The following ZEB2 variants were observed in gnomAD, a reference collection of about 807,000 sequenced individuals.
The protein encoded by ZEB2 is zinc finger E-box-binding homeobox 2.
Under a neutral mutation model 99.9 loss-of-function variants are expected in ZEB2, and 6 were observed. That is an observed-to-expected ratio of 0.06 (90% CI 0.03 to 0.12). ZEB2 has a LOEUF of 0.12. Among genes scored for constraint, ZEB2 ranks in the 10% least tolerant of loss-of-function variants. The probability of loss-of-function intolerance (pLI) is 1.00; values close to 1 mark genes in which losing one functional copy is unlikely to be tolerated. For missense variants in ZEB2, 969 were observed against 1,502.8 expected, an observed-to-expected ratio of 0.64 and a Z score of 5.87; for synonymous variants, 517 against 542.5, an observed-to-expected ratio of 0.95 and a Z score of 0.65.
intron 2 of ZEB2, chr2:144,460,989 A>G (rs897796225): frequency 2.0e-5 from 3 of 152,058 alleles, no homozygotes; most frequent in Admixed American, 1.3e-4. Context: ...TGTGTGACTA[A>G]TTTTTCTTGG....
At chr2:144,413,758 C>T (rs780729456) in intron 4 of ZEB2, among the ~76,000 whole-genome samples, 12 of 152,098 alleles carry the variant, frequency 7.9e-5, no homozygotes, top group Non-Finnish European at 1.5e-4. Flanking sequence ...TGATTTTGTA[C>T]AATTGATTAA....
chr2:144,446,054 C>A (rs1252657054), intron 2 of ZEB2, among the ~76,000 whole-genome samples: 1 of 151,924 alleles, frequency 6.6e-6, no homozygotes, highest in East Asian at 1.9e-4. Flanking sequence ...TCTCTCTCCC[C>A]CTTCCTTCCT....
rs540693343 is a variant in ZEB2 at position 144,489,094 on chromosome 2, A to G, written c.73+28184T>C. ...CTATGGGTGTATTGTTGTTCAGCAG[A>G]TCTCTAGAATTTACACGAGTGCTAT... On this transcript the variant is annotated intron_variant, in intron 2 of 9. Coordinates refer to ENST00000627532, the MANE Select transcript of ZEB2 (RefSeq NM_014795.4). 3.5e-4 allele frequency among the ~76,000 whole-genome samples: 54 copies of G among 152,300 alleles called. 1 individual carries two copies. The highest frequency in any genetic ancestry group is 3.0e-3 in the Admixed American group (46 of 15,296).
chr2:144,401,268 T>G lies in ZEB2; in HGVS notation c.847A>C (p.Lys283Gln). 6.2e-7 allele frequency: 1 copy of G among 1,614,174 alleles called. No homozygotes were observed. The highest frequency in any genetic ancestry group is 8.5e-7 in the Non-Finnish European group (1 of 1,179,990). ...LTQGAGNRKFKCTECGKAFKY... is the reference protein window; with the variant it reads ...LTQGAGNRKFQCTECGKAFKY... ...AAGGCCTTGCCACACTCTGTGCATT[T>G]GAACTTGCGATTACCTGCTCCTTGG... The change falls in exon 7 of 10, where the codon AAA becomes CAA. Residue 283 changes from lysine (K) to glutamine (Q), a missense_variant. This residue lies in a region of ZEB2 where 65 missense variants were observed against 147.7 expected (regional missense o/e 0.44). Coordinates refer to ENST00000627532, the MANE Select transcript of ZEB2 (RefSeq NM_014795.4).
intron 4 of ZEB2, among the ~76,000 whole-genome samples, chr2:144,410,841 T>C (rs1427495224): frequency 2.0e-5 from 3 of 151,524 alleles, no homozygotes; most frequent in African/African-American, 7.3e-5. Flanking sequence ...AGAAAATATC[T>C]TGGAAGGTAC....
intron 2 of ZEB2, among the ~76,000 whole-genome samples, chr2:144,467,942 G>A (rs933040944): frequency 5.3e-5 from 8 of 152,104 alleles, no homozygotes; most frequent in African/African-American, 1.2e-4. Context: ...CAGGCTGAAT[G>A]GTAGGGGCAG....
chr2:144,399,822 A>G lies in ZEB2; in HGVS notation c.1365T>C (p.Ser455=), dbSNP rs1703285170. Residue 455 remains serine (S), a synonymous_variant, in exon 8 of 10, where the codon AGT becomes AGC. Transcript: ENST00000627532. The surrounding 1 kb of genome is among the most constrained non-coding windows in gnomAD (Gnocchi z 5.6). The part of the protein sequence containing the change: ...APLLGFPTMN[S]NLSEVQKVLQ... The stretch of plus-strand genomic sequence containing the variant: ...GAACCTTTTGTACCTCACTTAAATT[A>G]CTATTCATGGTGGGAAACCCAAGTA... The G allele has an allele frequency of 1.8e-5, 29 of 1,614,152 alleles. No homozygotes were observed. Among genetic ancestry groups the G allele is most frequent in the Non-Finnish European group, 2.5e-5 (29 of 1,180,026 alleles).
At chr2:144,434,224 A>G (rs1242236332) in intron 2 of ZEB2, among the ~76,000 whole-genome samples, 3 of 152,240 alleles carry the variant, frequency 2.0e-5, no homozygotes, top group Non-Finnish European at 4.4e-5. Context: ...AAGGCAGCCA[A>G]TAATGATTTC....
At chr2:144,416,593 C>A (rs1703542993) in intron 4 of ZEB2, among the ~76,000 whole-genome samples, 1 of 152,166 alleles carries the variant, frequency 6.6e-6, no homozygotes, top group Admixed American at 6.5e-5. Flanking sequence ...TACATTCTCT[C>A]CTATCATCAT....
At chr2:144,479,611 G>C (rs1434043050) in intron 2 of ZEB2, among the ~76,000 whole-genome samples, 2 of 134,082 alleles carry the variant, frequency 1.5e-5, no homozygotes, top group Non-Finnish European at 3.0e-5. Flanking sequence ...TCCAAAGCAG[G>C]CTTCTGCTTT....
At chr2:144,510,627 G>C (rs1302506292) in intron 2 of ZEB2, among the ~76,000 whole-genome samples, 3 of 152,016 alleles carry the variant, frequency 2.0e-5, no homozygotes, top group Non-Finnish European at 4.4e-5. Flanking sequence ...CTGGTAACTA[G>C]GGGAAGCCCA....
chr2:144,497,147 T>C (rs1215693503), intron 2 of ZEB2, among the ~76,000 whole-genome samples: 2 of 152,158 alleles, frequency 1.3e-5, no homozygotes, highest in African/African-American at 4.8e-5. Context: ...ATCCATGTTA[T>C]ATGACAACAG....
At position 144,398,717 on chromosome 2, in the gene ZEB2, T is replaced by C. The variant is rs1165356349; in HGVS notation, c.2470A>G (p.Met824Val). The C allele has an allele frequency of 6.2e-7, 1 of 1,614,164 alleles. No individual in the cohort carries two copies. Among genetic ancestry groups the C allele is most frequent in the Admixed American group, 1.7e-5 (1 of 60,026 alleles). Residue 824 changes from methionine (M) to valine (V), a missense_variant, in exon 8 of 10, where the codon ATG (methionine) becomes GTG (valine). Met to Val is a conservative substitution (Grantham distance 21). This residue lies in a region of ZEB2 where 346 missense variants were observed against 460.0 expected (regional missense o/e 0.75). Coordinates refer to ENST00000627532, the MANE Select transcript of ZEB2 (RefSeq NM_014795.4). ...EPLDLSLPKQ[M>V]KEPKSIIATK... ...GCTATAATACTTTTGGGTTCTTTCA[T>C]TTGTTTTGGTAATGACAAGTCTAAA...
At chr2:144,398,192 C>T (rs1321688072) in intron 8 of ZEB2, 109 bp downstream of exon 8, 1 of 1,435,696 alleles carries the variant, frequency 7.0e-7, no homozygotes, top group Non-Finnish European at 9.5e-7. Flanking sequence ...AAAGCAAACT[C>T]TTCTGTTTCT....
intron 4 of ZEB2, among the ~76,000 whole-genome samples, chr2:144,406,881 T>C (rs564243608): frequency 6.6e-6 from 1 of 152,262 alleles, no homozygotes; most frequent in East Asian, 1.9e-4. Flanking sequence ...AGGCAAAAGA[T>C]ACTGTTAAGG....
intron 4 of ZEB2, among the ~76,000 whole-genome samples, chr2:144,423,696 T>C (rs1286982585): frequency 6.6e-6 from 1 of 152,296 alleles, no homozygotes; most frequent in African/African-American, 2.4e-5. Context: ...TTCGAATGAA[T>C]AGAATGACAA....
intron 4 of ZEB2, among the ~76,000 whole-genome samples, chr2:144,410,310 G>A (rs1199767562): frequency 6.6e-6 from 1 of 152,134 alleles, no homozygotes; most frequent in Non-Finnish European, 1.5e-5. Context: ...TGTCAGGAAA[G>A]CCTCAGTTCT....
Position 144,384,949 on chromosome 2 carries a change from T to C in ZEB2, c.*4502A>G, listed in dbSNP as rs1408803760. 1 of 152,160 alleles carries C rather than the reference T, an allele frequency of 6.6e-6. No homozygotes were observed. Among genetic ancestry groups the C allele is most frequent in the East Asian group, 1.9e-4 (1 of 5,196 alleles). The allele number at this position is 152,160 out of a possible 1,614,324, so 9.4% of individuals were successfully genotyped here. A position where few individuals can be genotyped will look rare whatever the true frequency, so the allele number is the denominator to read the frequency against. ...TAGTATATTAGGTTATGTCAGTACA[T>C]ACTTAAGAGAGGCATAAATTGCCTC... is the stretch of plus-strand genomic sequence containing the variant. On this transcript the variant is annotated 3_prime_UTR_variant, in exon 10 of 10. Coordinates refer to ENST00000627532, the MANE Select transcript of ZEB2 (RefSeq NM_014795.4).
chr2:144,512,640 A>C (rs1159889545), intron 2 of ZEB2: 1 of 1,287,150 alleles, frequency 7.8e-7, no homozygotes, highest in African/African-American at 1.5e-5. Flanking sequence ...TAAAATCCTC[A>C]GCCCACCCTT....
Sources: allele counts gnomAD v4.1 joint callset (sites outside exome capture counted in the v4.1 genomes callset), GRCh38; gene constraint gnomAD v4.1.1; regional missense constraint gnomAD v4.1.1; non-coding constraint Gnocchi (gnomAD v3.1); transcripts MANE v1.5; gene names NCBI Gene and HGNC (gene_info 2026-07-23, HGNC 2026-07-21).